Variants in RGS20 observed in about 807,000 individuals in gnomAD.
RGS20 encodes regulator of G protein signaling 20.
A neutral mutation model predicts 33.6 loss-of-function variants in RGS20; 30 were observed. The observed-to-expected ratio is 0.89, with a 90% CI of 0.67 to 1.21. The LOEUF is 1.21. RGS20 is among the 50% of genes most tolerant of loss of function. The pLI is 0.00. For missense variants in RGS20, 472 were observed against 502.4 expected, an observed-to-expected ratio of 0.94 and a Z score of 0.58; for synonymous variants, 208 against 197.9, an observed-to-expected ratio of 1.05 and a Z score of -0.43.
Position 53,875,009 on chromosome 8 carries a change from C to T in RGS20, c.166-4249C>T, listed in dbSNP as rs574460479. Among the ~76,000 whole-genome samples, 66 of 152,310 alleles carry T rather than the reference C, an allele frequency of 4.3e-4. 1 individual carries two copies. The South Asian group carries it at 0.013, about 31-fold the overall frequency. On this transcript the variant is annotated intron_variant, in intron 1 of 5. Coordinates refer to ENST00000297313, the MANE Select transcript of RGS20 (RefSeq NM_170587.4). Reference sequence around the variant, plus strand: ...AATTTTAAAAAGAGAGTCTGGGATACTCCAATGATGTTTTTCGCCTGAACA... The same window carrying T: ...AATTTTAAAAAGAGAGTCTGGGATATTCCAATGATGTTTTTCGCCTGAACA...
At chr8:53,890,307 T>G (rs1340618451) in intron 2 of RGS20, among the ~76,000 whole-genome samples, 1 of 152,254 alleles carries the variant, frequency 6.6e-6, no homozygotes, top group Non-Finnish European at 1.5e-5. Context: ...GCCAATTTGA[T>G]TCATTTTAAT....
chr8:53,856,034 A>C lies in RGS20; in HGVS notation c.165+3970A>C, dbSNP rs77703190. 7.6e-4 allele frequency among the ~76,000 whole-genome samples: 115 copies of C among 152,244 alleles called. 4 individuals carry two copies. In the East Asian group the frequency reaches 0.02, roughly 27 times the overall value. ...ATTTGATAGCTTCTGACAGTGATTT[A>C]AAAAGTGGACTGTAGTTTCCTGGGC... On this transcript the variant is annotated intron_variant, in intron 1 of 5. Coordinates refer to ENST00000297313, the MANE Select transcript of RGS20 (RefSeq NM_170587.4).
At chr8:53,953,003 A>G (rs756284992) in intron 4 of RGS20, among the ~76,000 whole-genome samples, 1 of 152,176 alleles carries the variant, frequency 6.6e-6, no homozygotes, top group Non-Finnish European at 1.5e-5. Flanking sequence ...TCTGGTTCTT[A>G]AGGAAAATGG....
At chr8:53,906,580 G>C (rs1019522921) in intron 2 of RGS20, among the ~76,000 whole-genome samples, 3 of 152,166 alleles carry the variant, frequency 2.0e-5, no homozygotes, top group African/African-American at 7.2e-5. Flanking sequence ...ATTGAAACAC[G>C]TTGTGTTAAA....
At chr8:53,889,541 A>G (rs1220014599) in intron 2 of RGS20, among the ~76,000 whole-genome samples, 1 of 146,882 alleles carries the variant, frequency 6.8e-6, no homozygotes, top group African/African-American at 2.5e-5. Context: ...CACCACACTC[A>G]ACTAATTTTT....
chr8:53,887,294 G>A (rs773423373), intron 2 of RGS20: 2 of 208,778 alleles, frequency 9.6e-6, no homozygotes, highest in Admixed American at 4.6e-5. Flanking sequence ...CCTTTTGAAT[G>A]TTGTAGTCAG....
chr8:53,946,233 T>A (rs1020582095), intron 3 of RGS20, among the ~76,000 whole-genome samples: 2 of 152,124 alleles, frequency 1.3e-5, no homozygotes, highest in Non-Finnish European at 2.9e-5. Flanking sequence ...TTTTTTTAAT[T>A]TTTGTATTAA....
At chr8:53,900,998 T>A (rs1162790357) in intron 2 of RGS20, among the ~76,000 whole-genome samples, 3 of 151,006 alleles carry the variant, frequency 2.0e-5, no homozygotes, top group Non-Finnish European at 4.4e-5. Flanking sequence ...CCTCACAGCA[T>A]CCCACTGTAC....
At chr8:53,916,523 T>A (rs1424323388) in intron 2 of RGS20, among the ~76,000 whole-genome samples, 1 of 152,242 alleles carries the variant, frequency 6.6e-6, no homozygotes, top group Non-Finnish European at 1.5e-5. Flanking sequence ...ATTATCTGTT[T>A]TCTTCTGGGA....
chr8:53,869,801 G>A (rs1370151463), intron 1 of RGS20, among the ~76,000 whole-genome samples: 1 of 152,154 alleles, frequency 6.6e-6, no homozygotes, highest in Non-Finnish European at 1.5e-5. Flanking sequence ...CACATATTGA[G>A]GCCCTCTGAG....
chr8:53,940,709 G>C (rs1350638110), intron 3 of RGS20, among the ~76,000 whole-genome samples: 1 of 152,216 alleles, frequency 6.6e-6, no homozygotes, highest in East Asian at 1.9e-4. Flanking sequence ...AGGGGATCCC[G>C]ATACCGATGG....
chr8:53,954,943 CCCAAAGTGCTGGGATT>C (rs749871299), intron 5 of RGS20, among the ~76,000 whole-genome samples: 12 of 151,408 alleles, frequency 7.9e-5, no homozygotes, highest in Non-Finnish European at 1.6e-4. Context: ...GCCTTAGCCT[CCCAAAGTGCTGGGATT>C]ACAGGCGTGA....
At position 53,958,319 on chromosome 8, in the gene RGS20, A is replaced by G; in HGVS notation, c.1028A>G (p.Glu343Gly). ...GAAGTGATCAACAGAAACATGGTGGAGCCATCCCAACACATATTCGATGAT... is the reference window on the plus strand; with the variant it reads ...GAAGTGATCAACAGAAACATGGTGGGGCCATCCCAACACATATTCGATGAT... The change falls in exon 6 of 6, where the codon GAG becomes GGG. Residue 343 changes from glutamate (E) to glycine (G), a missense_variant. Around this residue, in one of 3 missense-constraint regions of RGS20, gnomAD observed 125 missense variants for 169.5 expected, o/e 0.74. Coordinates refer to ENST00000297313, the MANE Select transcript of RGS20 (RefSeq NM_170587.4). The G allele has an allele frequency of 6.2e-7, 1 of 1,613,620 alleles. No individual in the cohort carries two copies. The highest frequency in any genetic ancestry group is 1.3e-5 in the African/African-American group (1 of 74,990).
intron 4 of RGS20, 27 bp from the exon 4 acceptor site, chr8:53,954,049 G>GC (rs750888282): frequency 4.1e-5 from 61 of 1,470,672 alleles, no homozygotes; most frequent in Non-Finnish European, 5.8e-5. Flanking sequence ...GTTCCCTTTT[G>GC]CCCCCTCTCT....
At chr8:53,933,943 G>A (rs762156632) in intron 2 of RGS20, among the ~76,000 whole-genome samples, 2 of 152,018 alleles carry the variant, frequency 1.3e-5, no homozygotes, top group Non-Finnish European at 2.9e-5. Context: ...AAGAGAGTGG[G>A]GTCCAATATT....
rs1439659728 is a variant in RGS20 at position 53,889,432 on chromosome 8, T to C, written c.510+9830T>C. ...TCTCTCTTTTTTTTTTTTTTTTTTTTTTTTTTTTTTTTTTTTTTTGAGACA... is the reference window on the plus strand; with the variant it reads ...TCTCTCTTTTTTTTTTTTTTTTTTTCTTTTTTTTTTTTTTTTTTTGAGACA... On this transcript the variant is annotated intron_variant, in intron 2 of 5. Transcript: ENST00000297313. 4.5e-3 allele frequency among the ~76,000 whole-genome samples: 548 copies of C among 121,046 alleles called. 26 individuals are homozygous for C. In the East Asian group the frequency reaches 0.08, roughly 18 times the overall value. 79.4% of individuals were successfully genotyped at this position (121,046 alleles called of 152,430 possible). A position where few individuals can be genotyped will look rare whatever the true frequency, so the allele number is the denominator to read the frequency against.
intron 2 of RGS20, among the ~76,000 whole-genome samples, chr8:53,922,830 T>G (rs1480386985): frequency 2.6e-5 from 4 of 152,046 alleles, no homozygotes; most frequent in African/African-American, 9.7e-5. Context: ...CAGCTAATTT[T>G]TTAAATTTTT....
intron 1 of RGS20, among the ~76,000 whole-genome samples, chr8:53,875,378 G>A (rs1197453828): frequency 2.9e-5 from 4 of 137,214 alleles, no homozygotes; most frequent in African/African-American, 1.1e-4. Context: ...GTTGCAGTGA[G>A]CCGAGATCAC....
intron 2 of RGS20, among the ~76,000 whole-genome samples, chr8:53,888,914 C>T (rs973381944): frequency 5.3e-5 from 8 of 152,148 alleles, no homozygotes; most frequent in Admixed American, 3.9e-4. Flanking sequence ...TGCTGTGCAG[C>T]GTTCCTTTGT....
Sources: allele counts gnomAD v4.1 joint callset (sites outside exome capture counted in the v4.1 genomes callset), GRCh38; gene constraint gnomAD v4.1.1; regional missense constraint gnomAD v4.1.1; transcripts MANE v1.5; gene names NCBI Gene and HGNC (gene_info 2026-07-23, HGNC 2026-07-21).